Variants in FRMD4A observed in about 807,000 individuals in gnomAD.
FRMD4A encodes the protein FERM domain-containing protein 4A.
In FRMD4A, 29 loss-of-function variants were observed where a neutral mutation model predicts 129.1. The ratio of observed to expected loss-of-function variants is 0.22; its 90% CI spans 0.17 to 0.31. FRMD4A has a LOEUF of 0.31. Ranked by LOEUF, FRMD4A falls within the 10% of genes least tolerant of loss-of-function variation. FRMD4A has a pLI of 1.00. For missense variants in FRMD4A, 1,272 were observed against 1,375.8 expected (o/e 0.92, Z 1.19); for synonymous variants, 634 against 571.6 (o/e 1.11, Z -1.56).
At chr10:13,857,362 A>T (rs2131033123) in intron 3 of FRMD4A, among the ~76,000 whole-genome samples, 1 of 152,336 alleles carries the variant, frequency 6.6e-6, no homozygotes. Context: ...GGAAAAGGAA[A>T]AATAAGATAT....
chr10:13,704,094 T>C (rs2087150639), intron 13 of FRMD4A, among the ~76,000 whole-genome samples: 1 of 152,210 alleles, frequency 6.6e-6, no homozygotes, highest in African/African-American at 2.4e-5. Flanking sequence ...TCTATGCATG[T>C]AACGCACTCA....
chr10:13,899,202 C>G (rs1384286164), intron 2 of FRMD4A, among the ~76,000 whole-genome samples: 2 of 152,066 alleles, frequency 1.3e-5, no homozygotes, highest in Middle Eastern at 3.4e-3. Context: ...CTATTGCCAG[C>G]CTTATGAAGA....
chr10:13,660,328 T>A lies in FRMD4A; in HGVS notation c.1886A>T (p.His629Leu), dbSNP rs754404274. 3.1e-6 allele frequency: 5 copies of A among 1,610,924 alleles called. No homozygotes were observed. The highest frequency in any genetic ancestry group is 4.2e-6 in the Non-Finnish European group (5 of 1,177,116). The change falls in exon 20 of 25, where the codon CAC (histidine) becomes CTC (leucine). Residue 629 changes from histidine (H) to leucine (L), a missense_variant. By Grantham distance (99) the His-to-Leu change is moderately conservative (BLOSUM62 -3). Transcript: ENST00000357447. The part of the protein sequence containing the change: ...PYEKVKKRSS[H>L]SHSSSHKRFP... ...CGATGCAGCTCACCTGGAATGGCTG[T>A]GAGAGGAGCGCTTCTTGACCTTCTC...
At chr10:13,807,859 C>T (rs1255419020) in intron 4 of FRMD4A, among the ~76,000 whole-genome samples, 1 of 148,854 alleles carries the variant, frequency 6.7e-6, no homozygotes, top group Non-Finnish European at 1.5e-5. Flanking sequence ...AGTGCAGTGG[C>T]ACACTCTCGG....
rs372420987 is a variant in FRMD4A at position 14,110,125 on chromosome 10, T to TTAA, written c.45+219932_45+219933insTTA. 3.5e-3 allele frequency among the ~76,000 whole-genome samples: 309 copies of TTAA among 89,530 alleles called. 28 individuals are homozygous for TTAA. The highest frequency in any genetic ancestry group is 8.9e-3 in the Admixed American group (63 of 7,042). The allele number at this position is 89,530 out of a possible 152,430, so 58.7% of individuals were successfully genotyped here. On this transcript the variant is annotated intron_variant, in intron 2 of 24. Transcript: ENST00000357447. Reference sequence around the variant, plus strand: ...GGCTGGGCAACAAAGCGAGATGCTGTAAAAAAAAAAAAAAAAAAAAAAGCT... The same window carrying TTAA: ...GGCTGGGCAACAAAGCGAGATGCTGTTAAAAAAAAAAAAAAAAAAAAAAAAGCT...
chr10:14,035,084 G>A (rs150641720), intron 2 of FRMD4A, among the ~76,000 whole-genome samples: 47 of 152,234 alleles, frequency 3.1e-4, no homozygotes, highest in African/African-American at 1.1e-3. Context: ...CAACCTATAG[G>A]GTTGTCAGTA....
At position 13,700,820 on chromosome 10, in the gene FRMD4A, C is replaced by CTTTTTTTTTTTTTTTTTTTTTT. The variant is rs71503097; in HGVS notation, c.975+498_975+519dup. Among the ~76,000 whole-genome samples, 8 of 44,700 alleles carry CTTTTTTTTTTTTTTTTTTTTTT rather than the reference C, an allele frequency of 1.8e-4. 1 individual carries two copies. The highest frequency in any genetic ancestry group is 8.0e-4 in the East Asian group (1 of 1,244). 29.3% of individuals were successfully genotyped at this position (44,700 alleles called of 152,430 possible). On this transcript the variant is annotated intron_variant, in intron 14 of 24. Coordinates refer to ENST00000357447, the MANE Select transcript of FRMD4A (RefSeq NM_018027.5). ...CTACCTTAGGGAAACAGGGTAGTTG[C>CTTTTTTTTTTTTTTTTTTTTTT]TTTTTTTTTTTTTTTTTTTTTTTTT...
At chr10:14,196,224 A>G (rs1456474379) in intron 2 of FRMD4A, among the ~76,000 whole-genome samples, 1 of 152,082 alleles carries the variant, frequency 6.6e-6, no homozygotes, top group Non-Finnish European at 1.5e-5. Context: ...TATGGCAGGA[A>G]TCCCATTACT....
rs1451128151 is a variant in FRMD4A at position 14,127,994 on chromosome 10, CTCTCTCTT to C, written c.45+202056_45+202063del. On this transcript the variant is annotated intron_variant, in intron 2 of 24. Transcript: ENST00000357447. Reference sequence around the variant, plus strand: ...TCTTTCTTTCCTTCTCTCTCTCTCTCTCTCTCTTTCTTTCTTTCTTCCTTCCTTCCTTC... The same window carrying C: ...TCTTTCTTTCCTTCTCTCTCTCTCTCTCTTTCTTTCTTCCTTCCTTCCTTC... Among the ~76,000 whole-genome samples the C allele has an allele frequency of 8.2e-4, 93 of 113,102 alleles. 4 individuals are homozygous for C. The highest frequency in any genetic ancestry group is 2.1e-3 in the African/African-American group (50 of 24,174). 74.2% of individuals were successfully genotyped at this position (113,102 alleles called of 152,430 possible).
chr10:13,660,221 G>A (rs2082530919), intron 20 of FRMD4A, 95 bp downstream of exon 20: 1 of 814,170 alleles, frequency 1.2e-6, no homozygotes. Context: ...GGTTGATGTG[G>A]ATTTTGTCAC....
chr10:13,726,717 G>T (rs2089920933), intron 12 of FRMD4A, among the ~76,000 whole-genome samples: 1 of 151,784 alleles, frequency 6.6e-6, no homozygotes, highest in South Asian at 2.1e-4. Flanking sequence ...GCTCACTGCA[G>T]CCTCAACCTC....
chr10:14,294,958 AAGCTGG>A (rs1845963720), intron 2 of FRMD4A, among the ~76,000 whole-genome samples: 1 of 152,334 alleles, frequency 6.6e-6, no homozygotes, highest in Non-Finnish European at 1.5e-5. Flanking sequence ...GGGATGGGAT[AAGCTGG>A]GATTCCCTGC....
At chr10:14,022,558 G>A (rs1459508175) in intron 2 of FRMD4A, among the ~76,000 whole-genome samples, 2 of 151,880 alleles carry the variant, frequency 1.3e-5, no homozygotes, top group Non-Finnish European at 2.9e-5. Context: ...GAGAAGCAGG[G>A]GCACAAATGT....
chr10:13,863,317 C>T (rs1391752887), intron 2 of FRMD4A, among the ~76,000 whole-genome samples: 1 of 152,112 alleles, frequency 6.6e-6, no homozygotes, highest in Non-Finnish European at 1.5e-5. Flanking sequence ...CGTGGTGGCT[C>T]ACGCCTGTAA....
intron 2 of FRMD4A, among the ~76,000 whole-genome samples, chr10:14,314,949 G>GC (rs1564459145): frequency 6.7e-6 from 1 of 149,926 alleles, no homozygotes; most frequent in African/African-American, 2.4e-5. Context: ...CTTATATATA[G>GC]TTTTTTTTTT....
chr10:14,128,011 T>TCTTCCTTC lies in FRMD4A; in HGVS notation c.45+202039_45+202046dup, dbSNP rs1234412308. 5.6e-3 allele frequency among the ~76,000 whole-genome samples: 546 copies of TCTTCCTTC among 96,748 alleles called. 41 individuals are homozygous for TCTTCCTTC. Among genetic ancestry groups the TCTTCCTTC allele is most frequent in the Admixed American group, 0.016 (136 of 8,492 alleles). The allele number at this position is 96,748 out of a possible 152,430, so 63.5% of individuals were successfully genotyped here. A position where few individuals can be genotyped will look rare whatever the true frequency, so the allele number is the denominator to read the frequency against. ...CTCTCTCTCTCTCTCTTTCTTTCTT[T>TCTTCCTTC]CTTCCTTCCTTCCTTCCTTCCTTCC... On this transcript the variant is annotated intron_variant, in intron 2 of 24. Coordinates refer to ENST00000357447, the MANE Select transcript of FRMD4A (RefSeq NM_018027.5).
chr10:14,034,708 C>G (rs117779584), intron 2 of FRMD4A, among the ~76,000 whole-genome samples: 2 of 152,188 alleles, frequency 1.3e-5, no homozygotes, highest in African/African-American at 4.8e-5. Context: ...CAGTTTAGCT[C>G]AAAGAGAGAC....
chr10:14,051,774 G>T (rs1275633521), intron 2 of FRMD4A, among the ~76,000 whole-genome samples: 1 of 152,196 alleles, frequency 6.6e-6, no homozygotes. Flanking sequence ...GGCAGCCTAT[G>T]CAGTAAGCGT....
intron 2 of FRMD4A, among the ~76,000 whole-genome samples, chr10:13,863,467 G>A (rs2094321505): frequency 6.6e-6 from 1 of 152,064 alleles, no homozygotes; most frequent in Non-Finnish European, 1.5e-5. Context: ...GTGCACGCCT[G>A]TAGTCCCAGC....
Sources: allele counts gnomAD v4.1 joint callset (sites outside exome capture counted in the v4.1 genomes callset), GRCh38; gene constraint gnomAD v4.1.1; transcripts MANE v1.5; gene names NCBI Gene and HGNC (gene_info 2026-07-23, HGNC 2026-07-21).